The following FAM117B variants were observed in gnomAD, a reference collection of about 807,000 sequenced individuals.
FAM117B encodes family with sequence similarity 117 member B.
Under a neutral mutation model 52.8 loss-of-function variants are expected in FAM117B, and 22 were observed. The ratio of observed to expected loss-of-function variants is 0.42; its 90% CI spans 0.30 to 0.59. The LOEUF is 0.59. FAM117B is among the 20% of genes least tolerant of loss of function. The probability of loss-of-function intolerance (pLI) is 0.22; values close to 1 mark genes in which losing one functional copy is unlikely to be tolerated. For synonymous variants in FAM117B, 309 were observed against 324.1 expected, an observed-to-expected ratio of 0.95 and a Z score of 0.50; for missense variants, 678 against 802.6, an observed-to-expected ratio of 0.84 and a Z score of 1.88.
intron 4 of FAM117B, among the ~76,000 whole-genome samples, chr2:202,737,984 A>G (rs562029648): frequency 2.6e-5 from 4 of 152,188 alleles, no homozygotes; most frequent in Non-Finnish European, 5.9e-5. Flanking sequence ...TTCTTGTTGA[A>G]GGACATCTCA....
chr2:202,764,743 G>A (rs750917325), intron 7 of FAM117B, among the ~76,000 whole-genome samples: 1 of 152,028 alleles, frequency 6.6e-6, no homozygotes, highest in African/African-American at 2.4e-5. Flanking sequence ...CAACAATTTG[G>A]GTTAATTTTC....
intron 4 of FAM117B, among the ~76,000 whole-genome samples, chr2:202,736,171 G>C (rs1000815679): frequency 6.6e-6 from 1 of 152,112 alleles, no homozygotes; most frequent in Non-Finnish European, 1.5e-5. Flanking sequence ...TAAAATCTTG[G>C]GATGTCAGTC....
At chr2:202,644,071 T>TTTTTTTTTTTTTTTC (rs1559092797) in intron 1 of FAM117B, among the ~76,000 whole-genome samples, 1 of 146,096 alleles carries the variant, frequency 6.8e-6, no homozygotes, top group Non-Finnish European at 1.5e-5. Context: ...TTTGTTTTTT[T>TTTTTTTTTTTTTTTC]TTTTTTTTTT....
intron 2 of FAM117B, among the ~76,000 whole-genome samples, chr2:202,711,887 A>G (rs572158269): frequency 4.6e-5 from 7 of 152,144 alleles, no homozygotes; most frequent in East Asian, 3.9e-4. Flanking sequence ...TCTCTCTTCT[A>G]TTCCACTGAC....
chr2:202,684,899 T>C (rs758011977), intron 1 of FAM117B, among the ~76,000 whole-genome samples: 6 of 152,144 alleles, frequency 3.9e-5, no homozygotes, highest in Non-Finnish European at 7.4e-5. Flanking sequence ...ATAGAACAAA[T>C]AACTACCATA....
At chr2:202,676,330 C>T (rs567817354) in intron 1 of FAM117B, among the ~76,000 whole-genome samples, 4 of 151,916 alleles carry the variant, frequency 2.6e-5, no homozygotes, top group African/African-American at 7.2e-5. Flanking sequence ...TGAATCATAC[C>T]TGGATTTCTG....
chr2:202,653,968 A>T (rs1050237578), intron 1 of FAM117B, among the ~76,000 whole-genome samples: 1 of 151,978 alleles, frequency 6.6e-6, no homozygotes, highest in African/African-American at 2.4e-5. Flanking sequence ...GTGCATGTAT[A>T]TAAGCGTTTG....
intron 2 of FAM117B, among the ~76,000 whole-genome samples, chr2:202,715,965 G>A (rs567554286): frequency 2.8e-4 from 43 of 151,628 alleles, no homozygotes; most frequent in African/African-American, 9.2e-4. Context: ...GCCTGCAATC[G>A]CAGGCACTCG....
At chr2:202,691,659 G>GTGTGTA (rs200176502) in intron 1 of FAM117B, among the ~76,000 whole-genome samples, 2,866 of 141,290 alleles carry the variant, frequency 0.02, 45 homozygotes, top group Middle Eastern at 0.033. Context: ...TTGTGTGTGT[G>GTGTGTA]TGTGTGTGTG....
chr2:202,746,101 T>C (rs189035302), intron 4 of FAM117B, among the ~76,000 whole-genome samples: 10 of 152,318 alleles, frequency 6.6e-5, no homozygotes, highest in Admixed American at 2.6e-4. Flanking sequence ...CAAATTGAAC[T>C]AATAGACATT....
chr2:202,671,970 A>G (rs966010346), intron 1 of FAM117B, among the ~76,000 whole-genome samples: 1 of 152,144 alleles, frequency 6.6e-6, no homozygotes, highest in Non-Finnish European at 1.5e-5. Flanking sequence ...TGTGGATGGG[A>G]AAAATCATGG....
At chr2:202,733,099 A>C (rs999456499) in intron 4 of FAM117B, among the ~76,000 whole-genome samples, 2 of 152,104 alleles carry the variant, frequency 1.3e-5, no homozygotes, top group African/African-American at 4.8e-5. Flanking sequence ...GGGTGACATC[A>C]CATATTGGTA....
intron 2 of FAM117B, among the ~76,000 whole-genome samples, chr2:202,699,790 T>TC (rs1690769834): frequency 6.6e-6 from 1 of 151,456 alleles, no homozygotes; most frequent in East Asian, 1.9e-4. Context: ...AGATATTGTG[T>TC]TTTTTTACAA....
intron 2 of FAM117B, among the ~76,000 whole-genome samples, chr2:202,705,316 A>T (rs1305647011): frequency 6.6e-6 from 1 of 152,202 alleles, no homozygotes; most frequent in Non-Finnish European, 1.5e-5. Flanking sequence ...CAAAGAAAAA[A>T]AAAACAAAAA....
intron 4 of FAM117B, among the ~76,000 whole-genome samples, chr2:202,753,446 A>G (rs1209727146): frequency 6.6e-6 from 1 of 152,238 alleles, no homozygotes; most frequent in African/African-American, 2.4e-5. Flanking sequence ...TTCAGGACAC[A>G]GGCATGGGCA....
At chr2:202,704,469 T>C (rs1025455797) in intron 2 of FAM117B, among the ~76,000 whole-genome samples, 5 of 152,224 alleles carry the variant, frequency 3.3e-5, no homozygotes, top group African/African-American at 1.2e-4. Flanking sequence ...TTTTAGCAGT[T>C]ATTTGCCTGT....
intron 1 of FAM117B, among the ~76,000 whole-genome samples, chr2:202,645,897 G>A (rs542440375): frequency 5.3e-5 from 8 of 152,162 alleles, no homozygotes; most frequent in East Asian, 1.9e-4. Flanking sequence ...GAGCCACAGC[G>A]CCCGGCCTAT....
chr2:202,720,172 G>T (rs1167144420), intron 2 of FAM117B, among the ~76,000 whole-genome samples: 1 of 152,106 alleles, frequency 6.6e-6, no homozygotes, highest in East Asian at 1.9e-4. Flanking sequence ...CCAAAGTGAT[G>T]ACTTTGTAGC....
intron 2 of FAM117B, among the ~76,000 whole-genome samples, chr2:202,723,709 A>AACAGTGCT (rs1397324752): frequency 2.6e-5 from 4 of 152,236 alleles, no homozygotes; most frequent in African/African-American, 4.8e-5. Context: ...TACTTGTAAG[A>AACAGTGCT]ACAGTGCTAC....
Sources: gnomAD v4.1 joint callset for allele counts (sites outside exome capture counted in the v4.1 genomes callset) on GRCh38, gnomAD v4.1.1 for gene constraint, MANE v1.5 for transcripts, NCBI Gene and HGNC (gene_info 2026-07-23, HGNC 2026-07-21) for gene names.